GLUD1: variants seen among roughly 807,000 people sequenced by gnomAD.
GLUD1 encodes glutamate dehydrogenase 1, also known as glutamate dehydrogenase 1, mitochondrial.
GLUD1 carries 22 observed loss-of-function variants against 56.0 expected under a neutral mutation model. The ratio of observed to expected loss-of-function variants is 0.39; its 90% CI spans 0.28 to 0.56. The LOEUF (loss-of-function observed/expected upper bound fraction) is 0.56. Ranked by LOEUF, GLUD1 falls within the 20% of genes least tolerant of loss-of-function variation. The pLI is 0.58. For missense variants in GLUD1, 451 were observed against 732.0 expected (o/e 0.62, Z 4.43); for synonymous variants, 223 against 269.9 (o/e 0.83, Z 1.70).
chr10:87,086,835 A>AG (rs1268358826), intron 1 of GLUD1, among the ~76,000 whole-genome samples: 5 of 142,266 alleles, frequency 3.5e-5, no homozygotes, highest in Non-Finnish European at 7.4e-5. Context: ...TCTCAAAGAA[A>AG]AAAAAAAAAA....
intron 1 of GLUD1, chr10:87,089,576 T>C: frequency 9.2e-6 from 9 of 981,558 alleles, no homozygotes; most frequent in Non-Finnish European, 1.1e-5. Context: ...GTGAAGGCAG[T>C]TGACCTCAAG....
At chr10:87,086,765 A>G (rs1249731155) in intron 1 of GLUD1, among the ~76,000 whole-genome samples, 1 of 148,314 alleles carries the variant, frequency 6.7e-6, no homozygotes, top group Non-Finnish European at 1.5e-5. Context: ...CAGGAGGCGG[A>G]GCTTGCAGTA....
chr10:87,060,413 T>A, intron 8 of GLUD1, 172 bp from the exon 9 acceptor site: 1 of 680,706 alleles, frequency 1.5e-6, no homozygotes, highest in Non-Finnish European at 2.6e-6. Flanking sequence ...ACCTTTCACT[T>A]TTCTATTTAT....
chr10:87,060,319 A>G lies in GLUD1; in HGVS notation c.1198-78T>C, dbSNP rs190081576. On this transcript the variant is annotated intron_variant, in intron 8 of 12. Coordinates refer to ENST00000277865, the MANE Select transcript of GLUD1 (RefSeq NM_005271.5). Reference sequence around the variant, plus strand: ...TCCACTGAGGGCAAGAGATGTGCATATATGAACAAGGGGCTGTGGGGAGAA... The same window carrying G: ...TCCACTGAGGGCAAGAGATGTGCATGTATGAACAAGGGGCTGTGGGGAGAA... 459 of 943,626 alleles carry G rather than the reference A, an allele frequency of 4.9e-4. 2 individuals are homozygous for G. In the African/African-American group the frequency reaches 7.0e-3, roughly 14 times the overall value. The allele number at this position is 943,626 out of a possible 1,614,324, so 58.5% of individuals were successfully genotyped here. A position where few individuals can be genotyped will look rare whatever the true frequency, so the allele number is the denominator to read the frequency against.
intron 11 of GLUD1, among the ~76,000 whole-genome samples, 153 bp downstream of exon 11, chr10:87,057,538 T>C (rs1380848250): frequency 6.6e-6 from 1 of 152,184 alleles, no homozygotes; most frequent in African/African-American, 2.4e-5. Context: ...TAGAATGTAA[T>C]GAAAAGGAAA....
At chr10:87,068,631 A>AG (rs1846140429) in intron 4 of GLUD1, among the ~76,000 whole-genome samples, 1 of 152,192 alleles carries the variant, frequency 6.6e-6, no homozygotes, top group Admixed American at 6.5e-5. Context: ...GTAGAGAAAA[A>AG]GGGGAGAAGG....
chr10:87,066,624 G>C (rs1292974133), intron 5 of GLUD1, among the ~76,000 whole-genome samples: 1 of 152,160 alleles, frequency 6.6e-6, no homozygotes, highest in South Asian at 2.1e-4. Context: ...GTGCAGACCA[G>C]AAGGTTTTAT....
At chr10:87,092,684 G>A (rs1841539418) in intron 1 of GLUD1, 1 of 769,248 alleles carries the variant, frequency 1.3e-6, no homozygotes, top group Non-Finnish European at 1.6e-6. Flanking sequence ...GGATTTCAGA[G>A]ACCAAATCAT....
At chr10:87,088,832 A>T (rs1170644461) in intron 1 of GLUD1, among the ~76,000 whole-genome samples, 1 of 152,256 alleles carries the variant, frequency 6.6e-6, no homozygotes, top group Admixed American at 6.5e-5. Context: ...AAGTAATTTC[A>T]AAATTATTCA....
At chr10:87,061,343 T>C (rs755252413) in intron 6 of GLUD1, 377 of 503,180 alleles carry the variant, frequency 7.5e-4, no homozygotes, top group Non-Finnish European at 9.5e-4. Flanking sequence ...GCCAACATGG[T>C]GAAACCCCGT....
chr10:87,090,035 C>T (rs1841474419), intron 1 of GLUD1, among the ~76,000 whole-genome samples: 1 of 152,092 alleles, frequency 6.6e-6, no homozygotes, highest in Non-Finnish European at 1.5e-5. Flanking sequence ...AGAGATTTTT[C>T]TCTTTATTAC....
chr10:87,070,053 C>A (rs1047913001), intron 4 of GLUD1, among the ~76,000 whole-genome samples: 11 of 152,230 alleles, frequency 7.2e-5, no homozygotes, highest in African/African-American at 2.7e-4. Flanking sequence ...TTAACCACTC[C>A]TTTTCTCCCA....
At chr10:87,089,549 G>C (rs576186560) in intron 1 of GLUD1, 1 of 904,856 alleles carries the variant, frequency 1.1e-6, no homozygotes, top group South Asian at 5.1e-5. Context: ...GTTAGCCTTT[G>C]CTAATATCTG....
At chr10:87,079,270 C>G (rs1470808175) in intron 1 of GLUD1, among the ~76,000 whole-genome samples, 1 of 146,476 alleles carries the variant, frequency 6.8e-6, no homozygotes, top group Non-Finnish European at 1.5e-5. Context: ...TCATTTGTAT[C>G]TTAAAAAAAA....
intron 11 of GLUD1, among the ~76,000 whole-genome samples, chr10:87,056,288 GTTTC>G (rs1025304642): frequency 6.1e-5 from 9 of 147,304 alleles, no homozygotes; most frequent in Non-Finnish European, 9.0e-5. Context: ...TGTTTACACC[GTTTC>G]TTTTTTTTTT....
At chr10:87,055,053 C>T (rs891363969) in intron 11 of GLUD1, among the ~76,000 whole-genome samples, 1 of 152,072 alleles carries the variant, frequency 6.6e-6, no homozygotes, top group Non-Finnish European at 1.5e-5. Context: ...ACTCAGGAGA[C>T]GGGGAGAATG....
At chr10:87,089,562 C>T in intron 1 of GLUD1, 2 of 966,072 alleles carry the variant, frequency 2.1e-6, no homozygotes, top group Non-Finnish European at 2.5e-6. Flanking sequence ...AATATCTGAC[C>T]TTGGTGAAGG....
intron 1 of GLUD1, among the ~76,000 whole-genome samples, chr10:87,083,630 GAGGA>G (rs1841315939): frequency 1.3e-5 from 2 of 152,326 alleles, no homozygotes; most frequent in South Asian, 4.2e-4. Context: ...AAACTAGAAG[GAGGA>G]AGGAAGAGAT....
In GLUD1 at chr10:87,093,435, C is replaced by G. The variant is rs72809938; in HGVS notation, c.445+890G>C. ...AAAGCTCTTATTTGCTCGAAGAAAG[C>G]AATCTGACTACAGAGGCCAAATCTA... On this transcript the variant is annotated intron_variant, in intron 1 of 12. Transcript: ENST00000277865. 5.4e-3 allele frequency among the ~76,000 whole-genome samples: 825 copies of G among 152,294 alleles called. 8 individuals carry two copies. The highest frequency in any genetic ancestry group is 9.2e-3 in the Non-Finnish European group (628 of 68,026).
Sources: gnomAD v4.1 joint callset for allele counts (sites outside exome capture counted in the v4.1 genomes callset) on GRCh38, gnomAD v4.1.1 for gene constraint, MANE v1.5 for transcripts, NCBI Gene and HGNC (gene_info 2026-07-23, HGNC 2026-07-21) for gene names.